Variants in CLIP4 observed in about 807,000 individuals in gnomAD.
CLIP4 encodes CAP-Gly domain containing linker protein family member 4.
In CLIP4, 47 loss-of-function variants were observed where a neutral mutation model predicts 73.1. The observed-to-expected ratio is 0.64, with a 90% CI of 0.51 to 0.82. The LOEUF (loss-of-function observed/expected upper bound fraction) is 0.82. CLIP4 is among the 40% of genes least tolerant of loss of function. The pLI, the probability that CLIP4 is intolerant of heterozygous loss-of-function variation, is 0.00. For missense variants in CLIP4, 874 were observed against 852.9 expected (o/e 1.02, Z -0.31); for synonymous variants, 306 against 295.4 (o/e 1.04, Z -0.37).
At chr2:29,130,622 CA>C (rs1482669280) in intron 2 of CLIP4, 1 of 1,097,810 alleles carries the variant, frequency 9.1e-7, no homozygotes, top group African/African-American at 1.7e-5. Flanking sequence ...TTTTGCCTAA[CA>C]GGACCATTTT....
intron 11 of CLIP4, among the ~76,000 whole-genome samples, chr2:29,159,683 T>TAAAAAA (rs56927221): frequency 3.2e-4 from 37 of 114,140 alleles, no homozygotes; most frequent in African/African-American, 1.3e-3. Context: ...CCTGTTTCTT[T>TAAAAAA]AAAAAAAAAA....
At chr2:29,133,622 C>T in intron 4 of CLIP4, 33 bp from the exon 5 acceptor site, 1 of 1,577,952 alleles carries the variant, frequency 6.3e-7, no homozygotes, top group Admixed American at 1.9e-5. Flanking sequence ...AAAATTTGTA[C>T]TAAAGGAAAG....
intron 1 of CLIP4, among the ~76,000 whole-genome samples, chr2:29,119,881 C>T (rs1664138554): frequency 6.6e-6 from 1 of 152,212 alleles, no homozygotes; most frequent in Admixed American, 6.5e-5. Context: ...CATTCTGCCT[C>T]ATAATCTATA....
At chr2:29,164,208 G>A (rs971494049) in intron 13 of CLIP4, among the ~76,000 whole-genome samples, 7 of 152,112 alleles carry the variant, frequency 4.6e-5, no homozygotes, top group African/African-American at 1.7e-4. Context: ...ATTAGAAGTG[G>A]CGTTTGCAGC....
chr2:29,180,868 G>GTA (rs370019820), intron 15 of CLIP4, among the ~76,000 whole-genome samples: 8,831 of 149,326 alleles, frequency 0.059, 796 homozygotes, highest in African/African-American at 0.2. Context: ...GTGTACACAT[G>GTA]TATATATATA....
At chr2:29,158,196 C>T (rs890923071) in intron 11 of CLIP4, among the ~76,000 whole-genome samples, 15 of 152,188 alleles carry the variant, frequency 9.9e-5, no homozygotes, top group African/African-American at 3.6e-4. Flanking sequence ...CTTCCTCTCT[C>T]CATACCCCAA....
intron 12 of CLIP4, among the ~76,000 whole-genome samples, chr2:29,162,804 A>G (rs1667373750): frequency 6.6e-6 from 1 of 152,202 alleles, no homozygotes; most frequent in African/African-American, 2.4e-5. Context: ...GGACTCAGGT[A>G]TCATCTTTTT....
chr2:29,179,975 C>T (rs886664099), intron 15 of CLIP4, among the ~76,000 whole-genome samples: 23 of 152,166 alleles, frequency 1.5e-4, no homozygotes, highest in Admixed American at 1.3e-4. Context: ...TAGTCATCTT[C>T]CTTTCTTATA....
At chr2:29,136,790 A>C (rs1342438843) in intron 6 of CLIP4, among the ~76,000 whole-genome samples, 1 of 152,014 alleles carries the variant, frequency 6.6e-6, no homozygotes, top group African/African-American at 2.4e-5. Context: ...TGGAGTGTGA[A>C]GGGGGGAGGC....
At chr2:29,116,127 A>T (rs13024283) in intron 1 of CLIP4, among the ~76,000 whole-genome samples, 22,375 of 152,270 alleles carry the variant, frequency 0.15, 2,064 homozygotes, top group Middle Eastern at 0.26. Context: ...AAGCTAAACC[A>T]AATGGCTGTC....
In CLIP4 at chr2:29,143,719, G is replaced by T; in HGVS notation, c.659G>T (p.Gly220Val). The T allele has an allele frequency of 6.2e-7, 1 of 1,609,506 alleles. No homozygotes were observed. The highest frequency in any genetic ancestry group is 1.3e-5 in the African/African-American group (1 of 74,946). ...GANPAFRNDK[G>V]QIPADVVPDP... ...TATCTTTATTTGTAGAATGACAAAG[G>T]ACAGATCCCTGCTGATGTTGTTCCA... is the stretch of plus-strand genomic sequence containing the variant. Residue 220 changes from glycine (G) to valine (V), a missense_variant, in exon 7 of 16, where the codon GGA becomes GTA. Gly to Val is a moderately radical substitution (Grantham distance 109). Coordinates refer to ENST00000320081, the MANE Select transcript of CLIP4 (RefSeq NM_024692.6).
intron 1 of CLIP4, among the ~76,000 whole-genome samples, chr2:29,106,606 TG>T (rs1304365200): frequency 6.6e-6 from 1 of 152,198 alleles, no homozygotes; most frequent in East Asian, 1.9e-4. Flanking sequence ...GAGGTGATTC[TG>T]GGGTTCCAAT....
intron 1 of CLIP4, among the ~76,000 whole-genome samples, chr2:29,117,828 A>T (rs541891419): frequency 1.8e-4 from 27 of 152,206 alleles, no homozygotes; most frequent in Non-Finnish European, 2.9e-4. Flanking sequence ...TGTAATTTAT[A>T]TGAGGGCAAG....
intron 1 of CLIP4, among the ~76,000 whole-genome samples, chr2:29,098,898 C>CCATT (rs1327664775): frequency 6.6e-6 from 1 of 152,170 alleles, no homozygotes; most frequent in Non-Finnish European, 1.5e-5. Context: ...AGGATTTTAG[C>CCATT]CATTCTAATA....
chr2:29,135,530 TATG>T lies in CLIP4; in HGVS notation c.530-14_530-12del. Reference sequence around the variant, plus strand: ...AGTTTAAACTTTTAGTTAATATACTTATGATGTTTAATTGCAGATGTGGATGCC... The same window carrying T: ...AGTTTAAACTTTTAGTTAATATACTTATGTTTAATTGCAGATGTGGATGCC... On this transcript the variant is annotated splice_polypyrimidine_tract_variant and intron_variant, in intron 5 of 15. Transcript: ENST00000320081. The T allele has an allele frequency of 3.2e-6, 5 of 1,552,990 alleles. No homozygotes were observed. The highest frequency in any genetic ancestry group is 4.4e-6 in the Non-Finnish European group (5 of 1,132,074).
At chr2:29,113,453 C>T (rs976113311), upstream of CLIP4, among the ~76,000 whole-genome samples, 6 of 152,186 alleles carry the variant, frequency 3.9e-5, no homozygotes, top group African/African-American at 1.4e-4. The surrounding 1 kb of genome is among the most constrained non-coding windows in gnomAD (Gnocchi z 4.0). Context: ...GGTTCTAAAG[C>T]TTGTATGTCA....
intron 14 of CLIP4, chr2:29,167,893 T>C (rs1667732008): frequency 6.0e-6 from 1 of 167,442 alleles, no homozygotes; most frequent in Non-Finnish European, 1.3e-5. Flanking sequence ...GTTTGTTTGC[T>C]ATTTTGTTAT....
rs1233202573 is a variant in CLIP4 at position 29,132,203 on chromosome 2, A to G, written c.325A>G (p.Thr109Ala). The G allele has an allele frequency of 9.9e-6, 16 of 1,613,576 alleles. No individual in the cohort carries two copies. Among genetic ancestry groups the G allele is most frequent in the Non-Finnish European group, 1.4e-5 (16 of 1,179,758 alleles). The change falls in exon 4 of 16, where the codon ACT (threonine) becomes GCT (alanine). Residue 109 changes from threonine to alanine, a missense_variant. Transcript: ENST00000320081. ...TGATAGAGATGGATTGACAGATATG[A>G]CTCTTTTACATTATACCTGCAAATC... ...VNDRDGLTDM[T>A]LLHYTCKSGA...
intron 6 of CLIP4, among the ~76,000 whole-genome samples, chr2:29,140,362 G>A (rs1665676444): frequency 6.6e-6 from 1 of 151,998 alleles, no homozygotes; most frequent in South Asian, 2.1e-4. Context: ...AGTTTACTGA[G>A]AATGATGATT....
Sources: allele counts gnomAD v4.1 joint callset (sites outside exome capture counted in the v4.1 genomes callset), GRCh38; gene constraint gnomAD v4.1.1; non-coding constraint Gnocchi (gnomAD v3.1); transcripts MANE v1.5; gene names NCBI Gene and HGNC (gene_info 2026-07-23, HGNC 2026-07-21).